AGTPBP1: variants seen among roughly 807,000 people sequenced by gnomAD.
AGTPBP1 encodes the protein cytosolic carboxypeptidase 1.
A neutral mutation model predicts 143.9 loss-of-function variants in AGTPBP1; 70 were observed. The ratio of observed to expected loss-of-function variants is 0.49; its 90% CI spans 0.40 to 0.59. The LOEUF is 0.59. Ranked by LOEUF, AGTPBP1 falls within the 20% of genes least tolerant of loss-of-function variation. The pLI, the probability that AGTPBP1 is intolerant of heterozygous loss-of-function variation, is 0.00. For missense variants in AGTPBP1, 1,229 were observed against 1,464.5 expected (o/e 0.84, Z 2.62); for synonymous variants, 463 against 500.2 (o/e 0.93, Z 0.99).
chr9:85,714,095 G>A (rs894782615), intron 1 of AGTPBP1, among the ~76,000 whole-genome samples: 2 of 152,196 alleles, frequency 1.3e-5, no homozygotes, highest in African/African-American at 4.8e-5. Flanking sequence ...ATAGCCAACT[G>A]TATTTCAACA....
At chr9:85,661,830 C>T (rs1833873043) in intron 8 of AGTPBP1, among the ~76,000 whole-genome samples, 1 of 152,118 alleles carries the variant, frequency 6.6e-6, no homozygotes, top group East Asian at 1.9e-4. Context: ...CTTGGTAATA[C>T]ATCAACAATT....
intron 17 of AGTPBP1, among the ~76,000 whole-genome samples, chr9:85,611,730 G>T (rs995951455): frequency 2.0e-5 from 3 of 152,088 alleles, no homozygotes; most frequent in Non-Finnish European, 4.4e-5. Flanking sequence ...ACCCAGGCTG[G>T]AGTGCAATAG....
the AGTPBP1 span, among the ~76,000 whole-genome samples, chr9:85,758,676 A>G: frequency 6.6e-6 from 1 of 152,160 alleles, no homozygotes; most frequent in Non-Finnish European, 1.5e-5. Flanking sequence ...AAGTTGAGGA[A>G]ATATTCTGAA....
the AGTPBP1 span, among the ~76,000 whole-genome samples, chr9:85,787,089 C>CAT: frequency 6.6e-6 from 1 of 152,152 alleles, no homozygotes. Context: ...GATTGAGGCT[C>CAT]ATTTACAGTC....
chr9:85,741,126 ACT>A (rs1334996715), intron 1 of AGTPBP1: 11 of 757,706 alleles, frequency 1.5e-5, no homozygotes, highest in East Asian at 1.3e-4. Context: ...CACTAAGGAA[ACT>A]CTGCACTGTC....
chr9:85,791,530 C>T, the AGTPBP1 span: 3 of 152,172 alleles, frequency 2.0e-5, no homozygotes, highest in East Asian at 1.9e-4. Flanking sequence ...AGCTCTAAGA[C>T]AGATGACTGG....
chr9:85,599,375 T>C (rs1425971678), intron 17 of AGTPBP1, among the ~76,000 whole-genome samples: 1 of 152,216 alleles, frequency 6.6e-6, no homozygotes, highest in Admixed American at 6.5e-5. Flanking sequence ...CAAATGCTTT[T>C]ATTGTTCTTC....
chr9:85,589,759 T>G, intron 19 of AGTPBP1, 78 bp from the exon 20 acceptor site: 1 of 1,314,980 alleles, frequency 7.6e-7, no homozygotes. Context: ...CATCCAGATC[T>G]CCACATAACT....
At chr9:85,765,634 A>T in the AGTPBP1 span, among the ~76,000 whole-genome samples, 1 of 152,026 alleles carries the variant, frequency 6.6e-6, no homozygotes. Flanking sequence ...ACTTCATCAG[A>T]GAAAGATGAA....
intron 2 of AGTPBP1, among the ~76,000 whole-genome samples, chr9:85,707,848 G>C (rs975701533): frequency 6.6e-6 from 1 of 151,434 alleles, no homozygotes; most frequent in African/African-American, 2.4e-5. Flanking sequence ...TCACTCATAA[G>C]TGGCAGTTGA....
At chr9:85,635,165 A>G (rs1188787614) in intron 13 of AGTPBP1, among the ~76,000 whole-genome samples, 1 of 152,206 alleles carries the variant, frequency 6.6e-6, no homozygotes, top group African/African-American at 2.4e-5. Flanking sequence ...ACATACATAC[A>G]TGAATCCACC....
chr9:85,655,441 A>G (rs1833437009), intron 10 of AGTPBP1, 121 bp from the exon 11 acceptor site: 2 of 852,888 alleles, frequency 2.3e-6, no homozygotes, highest in Non-Finnish European at 3.5e-6. Context: ...CTCAAAAACC[A>G]ATATTTTAAC....
intron 1 of AGTPBP1, among the ~76,000 whole-genome samples, chr9:85,740,803 G>GA (rs1188630472): frequency 3.3e-5 from 5 of 152,262 alleles, no homozygotes; most frequent in Non-Finnish European, 5.9e-5. Flanking sequence ...ACACCTGAAG[G>GA]AAAAAACCCA....
Position 85,677,424 on chromosome 9 carries a change from G to A in AGTPBP1, c.436+12C>T, listed in dbSNP as rs1834898197. 1 of 1,603,330 alleles carries A rather than the reference G, an allele frequency of 6.2e-7. No individual in the cohort carries two copies. The highest frequency in any genetic ancestry group is 8.5e-7 in the Non-Finnish European group (1 of 1,175,442). ...TTCTAGATACAATAATCATACAAATGAAATCCCTTACCTTTTGGTCCAATC... is the reference window on the plus strand; with the variant it reads ...TTCTAGATACAATAATCATACAAATAAAATCCCTTACCTTTTGGTCCAATC... On this transcript the variant is annotated intron_variant, in intron 6 of 25. Coordinates refer to ENST00000357081, the MANE Select transcript of AGTPBP1 (RefSeq NM_001330701.2).
the AGTPBP1 span, among the ~76,000 whole-genome samples, chr9:85,802,460 G>C: frequency 6.6e-6 from 1 of 152,022 alleles, no homozygotes; most frequent in Non-Finnish European, 1.5e-5. Flanking sequence ...CAAGTGGCTA[G>C]CCTCACTATA....
intron 25 of AGTPBP1, among the ~76,000 whole-genome samples, chr9:85,574,130 A>C (rs1335077770): frequency 6.6e-6 from 1 of 152,184 alleles, no homozygotes; most frequent in Non-Finnish European, 1.5e-5. Flanking sequence ...GTACTAAGAA[A>C]AATTCTTCTG....
chr9:85,729,561 T>C (rs747068821), intron 1 of AGTPBP1, among the ~76,000 whole-genome samples: 1 of 151,468 alleles, frequency 6.6e-6, no homozygotes, highest in African/African-American at 2.4e-5. Context: ...CCAAAGGAAA[T>C]AACAAATGAA....
At chr9:85,800,147 C>T in the AGTPBP1 span, among the ~76,000 whole-genome samples, 362 of 152,326 alleles carry the variant, frequency 2.4e-3, 2 homozygotes, top group African/African-American at 8.2e-3. Flanking sequence ...CCCCTGTCTT[C>T]AGCTCTGCCT....
the AGTPBP1 span, among the ~76,000 whole-genome samples, chr9:85,801,714 A>G: frequency 6.6e-6 from 1 of 152,198 alleles, no homozygotes; most frequent in South Asian, 2.1e-4. Context: ...CACTTTAGCA[A>G]CATAAAACGT....
Sources: gnomAD v4.1 joint callset for allele counts (sites outside exome capture counted in the v4.1 genomes callset) on GRCh38, gnomAD v4.1.1 for gene constraint, MANE v1.5 for transcripts, NCBI Gene and HGNC (gene_info 2026-07-23, HGNC 2026-07-21) for gene names.